The following ZCCHC14 variants were observed in gnomAD, a reference collection of about 807,000 sequenced individuals.
ZCCHC14 encodes the protein zinc finger CCHC domain-containing protein 14.
ZCCHC14 carries 16 observed loss-of-function variants against 85.0 expected under a neutral mutation model. The observed-to-expected ratio is 0.19, with a 90% CI of 0.13 to 0.29. The LOEUF is 0.29. ZCCHC14 is among the 10% of genes least tolerant of loss of function. ZCCHC14 has a pLI of 1.00. For missense variants in ZCCHC14, 1,303 were observed against 1,443.5 expected (o/e 0.90, Z 1.58); for synonymous variants, 775 against 630.7 (o/e 1.23, Z -3.43).
intron 1 of ZCCHC14, chr16:87,470,627 T>TTA (rs1911735009): frequency 6.6e-6 from 1 of 152,162 alleles, no homozygotes; most frequent in Admixed American, 6.5e-5. Flanking sequence ...GTAAGGAGAT[T>TTA]TATCTCAGCT....
At chr16:87,443,157 A>G (rs900672383) in intron 2 of ZCCHC14, among the ~76,000 whole-genome samples, 4 of 152,218 alleles carry the variant, frequency 2.6e-5, no homozygotes, top group Non-Finnish European at 5.9e-5. Context: ...CGCGGTCCCA[A>G]GCAGCTTTCG....
rs756244450 is a variant in ZCCHC14, at chr16:87,413,045, G to A, written c.1744+10C>T. On this transcript the variant is annotated intron_variant, in intron 11 of 12. Coordinates refer to ENST00000671377, the MANE Select transcript of ZCCHC14 (RefSeq NM_015144.3). ...GCCAGGTCGAGCCAGCGCCGCGCAC[G>A]TGCCCTTACGTCTGTCATTCTCCTC... 48 of 1,614,002 alleles carry A rather than the reference G, an allele frequency of 3.0e-5. No individual in the cohort carries two copies. Among genetic ancestry groups the A allele is most frequent in the South Asian group, 1.3e-4 (12 of 91,090 alleles).
At position 87,412,399 on chromosome 16, in the gene ZCCHC14, G is replaced by C; in HGVS notation, c.2322C>G (p.Ile774Met). ...STVLHAARPP[I>M]KLLLSSSVPA... is the part of the protein sequence containing the mutation. ...GAACAGATGACGACAGCAGCAGTTTGATGGGCGGACGGGCGGCGTGGAGGA... is the reference window on the plus strand; with the variant it reads ...GAACAGATGACGACAGCAGCAGTTTCATGGGCGGACGGGCGGCGTGGAGGA... The change falls in exon 12 of 13, where the codon ATC becomes ATG. Residue 774 changes from isoleucine to methionine, a missense_variant. Ile to Met is a conservative substitution (Grantham distance 10). Coordinates refer to ENST00000671377, the MANE Select transcript of ZCCHC14 (RefSeq NM_015144.3). 6.2e-7 allele frequency: 1 copy of C among 1,614,214 alleles called. No homozygotes were observed. Among genetic ancestry groups the C allele is most frequent in the Non-Finnish European group, 8.5e-7 (1 of 1,180,044 alleles).
At chr16:87,414,253 GT>G in intron 10 of ZCCHC14, among the ~76,000 whole-genome samples, 160 bp downstream of exon 10, 1 of 151,462 alleles carries the variant, frequency 6.6e-6, no homozygotes, top group East Asian at 2.0e-4. Flanking sequence ...CCCTCTCTGT[GT>G]ACGAGTAACC....
At chr16:87,423,782 T>C (rs1324154979) in intron 4 of ZCCHC14, 28 bp downstream of exon 4, 9 of 1,610,622 alleles carry the variant, frequency 5.6e-6, no homozygotes, top group Non-Finnish European at 7.6e-6. Context: ...ATTCTTTTAA[T>C]TTTTATAAGA....
intron 1 of ZCCHC14, among the ~76,000 whole-genome samples, chr16:87,475,602 T>C (rs1911970418): frequency 6.7e-6 from 1 of 148,914 alleles, no homozygotes; most frequent in South Asian, 2.1e-4. Context: ...AAAAATGCTA[T>C]TTCTAAACGA....
At chr16:87,437,250 CACTTGACCCCAGGAGGCAGAGGTGGCAG>C (rs1909969358) in intron 2 of ZCCHC14, among the ~76,000 whole-genome samples, 2 of 142,718 alleles carry the variant, frequency 1.4e-5, no homozygotes, top group African/African-American at 5.2e-5. Flanking sequence ...GCAGGAGAAT[CACTTGACCCCAGGAGGCAGAGGTGGCAG>C]TGAGCTGAGA....
chr16:87,460,278 A>G (rs989510804), intron 1 of ZCCHC14, 147 bp from the exon 2 acceptor site: 7 of 1,184,444 alleles, frequency 5.9e-6, no homozygotes, highest in Non-Finnish European at 8.0e-6. Context: ...CTTCCCCAAG[A>G]AAGATGAAAA....
chr16:87,475,865 G>C (rs920204684), intron 1 of ZCCHC14, among the ~76,000 whole-genome samples: 1 of 152,094 alleles, frequency 6.6e-6, no homozygotes, highest in African/African-American at 2.4e-5. Context: ...ATTTCCCACA[G>C]CTGGCAGAAG....
At chr16:87,432,714 T>C (rs1909722820) in intron 3 of ZCCHC14, among the ~76,000 whole-genome samples, 1 of 152,218 alleles carries the variant, frequency 6.6e-6, no homozygotes, top group Non-Finnish European at 1.5e-5. Flanking sequence ...CCAACTTCAG[T>C]GACCAGCTCC....
At chr16:87,432,648 AC>A (rs1909719674) in intron 3 of ZCCHC14, among the ~76,000 whole-genome samples, 1 of 152,146 alleles carries the variant, frequency 6.6e-6, no homozygotes, top group South Asian at 2.1e-4. Flanking sequence ...GACCCTGGTC[AC>A]CGTGGGTCAC....
chr16:87,412,747 C>G lies in ZCCHC14; in HGVS notation c.1974G>C (p.Ala658=). 6.2e-7 allele frequency: 1 copy of G among 1,614,178 alleles called. No homozygotes were observed. The highest frequency in any genetic ancestry group is 2.2e-5 in the East Asian group (1 of 44,880). ...NSVHKPERGS[A]DMKLLSSSVH... ...CAGAAGACGAGAGGAGCTTCATGTC[C>G]GCGCTCCCTCTTTCCGGCTTGTGCA... is the stretch of plus-strand genomic sequence containing the variant. Residue 658 remains alanine, a synonymous_variant, in exon 12 of 13, where the codon GCG becomes GCC. Coordinates refer to ENST00000671377, the MANE Select transcript of ZCCHC14 (RefSeq NM_015144.3).
chr16:87,411,799 G>A lies in ZCCHC14; in HGVS notation c.2922C>T (p.Ser974=), dbSNP rs778091645. 23 of 1,611,752 alleles carry A rather than the reference G, an allele frequency of 1.4e-5. No individual in the cohort carries two copies. Among genetic ancestry groups the A allele is most frequent in the African/African-American group, 5.3e-5 (4 of 74,876 alleles). The change falls in exon 12 of 13, where the codon AGC becomes AGT. Residue 974 remains serine, a synonymous_variant. Transcript: ENST00000671377. Reference sequence around the variant, plus strand: ...TGGAGCCGCCGCCGTACTGCTGGGCGCTGACGTAGCCGCTGCTGCACATGG... The same window carrying A: ...TGGAGCCGCCGCCGTACTGCTGGGCACTGACGTAGCCGCTGCTGCACATGG... The part of the protein sequence containing the change: ...FSPMCSSGYV[S]AQQYGGGSTF...
At chr16:87,415,564 G>C (rs1018586819) in intron 8 of ZCCHC14, among the ~76,000 whole-genome samples, 197 bp from the exon 9 acceptor site, 2 of 152,184 alleles carry the variant, frequency 1.3e-5, no homozygotes, top group Non-Finnish European at 2.9e-5. Flanking sequence ...GTTCAACTCC[G>C]AGACGCAGTT....
intron 2 of ZCCHC14, among the ~76,000 whole-genome samples, chr16:87,434,409 A>G (rs1203369370): frequency 6.6e-6 from 1 of 152,200 alleles, no homozygotes; most frequent in Non-Finnish European, 1.5e-5. Context: ...AGCTTTACAC[A>G]TAACTGGGAA....
intron 1 of ZCCHC14, among the ~76,000 whole-genome samples, chr16:87,469,766 G>A (rs1024583314): frequency 1.3e-5 from 2 of 152,162 alleles, no homozygotes; most frequent in Non-Finnish European, 2.9e-5. Context: ...CCTCCCGGAA[G>A]GCAGGGCTCC....
intron 1 of ZCCHC14, chr16:87,471,267 A>C (rs561353897): frequency 6.6e-6 from 1 of 152,398 alleles, no homozygotes; most frequent in African/African-American, 2.4e-5. Context: ...ATTTTGCTAA[A>C]ATAGTCATTA....
chr16:87,419,839 T>A lies in ZCCHC14; in HGVS notation c.989A>T (p.Asp330Val). The stretch of plus-strand genomic sequence containing the variant: ...AGTGCTGAGAAACCTCCTGACATGG[T>A]CATTTTTCAACACGTGAGAAGGTAA... Reference protein sequence around the residue: ...ASLPSHVLKNDHVRRFLSTSS... With the variant: ...ASLPSHVLKNVHVRRFLSTSS... The change falls in exon 6 of 13, where the codon GAC (aspartate) becomes GTC (valine). Residue 330 changes from aspartate to valine, a missense_variant. Physicochemically the swap from Asp to Val is radical, Grantham distance 152. Coordinates refer to ENST00000671377, the MANE Select transcript of ZCCHC14 (RefSeq NM_015144.3). The A allele has an allele frequency of 6.2e-7, 1 of 1,613,052 alleles. No individual in the cohort carries two copies. Among genetic ancestry groups the A allele is most frequent in the Non-Finnish European group, 8.5e-7 (1 of 1,179,558 alleles).
chr16:87,476,045 A>C (rs1911990673), intron 1 of ZCCHC14, among the ~76,000 whole-genome samples: 1 of 152,244 alleles, frequency 6.6e-6, no homozygotes, highest in Non-Finnish European at 1.5e-5. Flanking sequence ...AGAGCCCTGG[A>C]GGAGAGACAG....
Sources: allele counts gnomAD v4.1 joint callset (sites outside exome capture counted in the v4.1 genomes callset), GRCh38; gene constraint gnomAD v4.1.1; transcripts MANE v1.5; gene names NCBI Gene and HGNC (gene_info 2026-07-23, HGNC 2026-07-21).